The following SNX29 variants were observed in gnomAD, a reference collection of about 807,000 sequenced individuals.
SNX29 encodes the protein sorting nexin-29.
Under a neutral mutation model 102.1 loss-of-function variants are expected in SNX29, and 78 were observed. The observed-to-expected ratio is 0.76, with a 90% confidence interval of 0.64 to 0.92. The LOEUF is 0.92. Among genes scored for constraint, SNX29 ranks in the 40% least tolerant of loss-of-function variants. SNX29 has a pLI of 0.00. For synonymous variants in SNX29, 580 were observed against 414.5 expected (o/e 1.40, Z -4.85); for missense variants, 1,280 against 1,061.7 (o/e 1.21, Z -2.86).
intron 14 of SNX29, among the ~76,000 whole-genome samples, chr16:12,247,303 C>G (rs763422508): frequency 3.9e-5 from 6 of 152,130 alleles, no homozygotes; most frequent in Admixed American, 1.3e-4. Flanking sequence ...TGGACAAGAC[C>G]AGGAGTCCAT....
At chr16:12,351,671 C>T (rs1236795922) in intron 15 of SNX29, among the ~76,000 whole-genome samples, 1 of 152,084 alleles carries the variant, frequency 6.6e-6, no homozygotes, top group Admixed American at 6.5e-5. Context: ...CTCACAGCCA[C>T]ATTATTTTTG....
intron 19 of SNX29, among the ~76,000 whole-genome samples, chr16:12,521,912 C>T (rs1220450732): frequency 1.3e-5 from 2 of 152,192 alleles, no homozygotes; most frequent in Non-Finnish European, 2.9e-5. Context: ...GAGATGTTAG[C>T]CACCAGCTGG....
intron 20 of SNX29, among the ~76,000 whole-genome samples, chr16:12,558,229 C>T (rs1194240449): frequency 1.6e-4 from 3 of 18,506 alleles, no homozygotes; most frequent in Admixed American, 3.8e-4. Flanking sequence ...AGCCTCTCTT[C>T]AGCCCCCCCA....
chr16:12,224,196 A>C (rs529975871), intron 14 of SNX29, among the ~76,000 whole-genome samples: 50 of 152,308 alleles, frequency 3.3e-4, no homozygotes, highest in African/African-American at 1.1e-3. Context: ...ATCAGCCTTC[A>C]GGAGTCGAGT....
At chr16:12,018,883 C>T (rs557912083) in intron 3 of SNX29, among the ~76,000 whole-genome samples, 29 of 151,736 alleles carry the variant, frequency 1.9e-4, no homozygotes, top group Non-Finnish European at 2.8e-4. Flanking sequence ...CCACTGAGCC[C>T]GGCCTGGGGT....
At chr16:12,053,822 C>A (rs987277845) in intron 8 of SNX29, among the ~76,000 whole-genome samples, 1 of 152,048 alleles carries the variant, frequency 6.6e-6, no homozygotes, top group Admixed American at 6.6e-5. Context: ...TGTAAGACGT[C>A]TAGCAGCCCT....
At chr16:12,127,201 G>A (rs1596988401) in intron 12 of SNX29, among the ~76,000 whole-genome samples, 2 of 151,024 alleles carry the variant, frequency 1.3e-5, no homozygotes. Flanking sequence ...GGAGGTTGCA[G>A]TGAGCCGAGA....
chr16:12,106,048 C>T (rs1422517911), intron 11 of SNX29, among the ~76,000 whole-genome samples: 3 of 152,118 alleles, frequency 2.0e-5, no homozygotes, highest in Non-Finnish European at 4.4e-5. Flanking sequence ...ACGTTTCCAT[C>T]TAAGTAACGC....
chr16:12,225,599 G>T (rs921770105), intron 14 of SNX29, among the ~76,000 whole-genome samples: 31 of 152,248 alleles, frequency 2.0e-4, no homozygotes, highest in African/African-American at 6.3e-4. Context: ...TTTGTAAGTT[G>T]CCCAGTCTTG....
At chr16:12,123,724 A>G (rs3893358) in intron 11 of SNX29, among the ~76,000 whole-genome samples, 35,141 of 151,554 alleles carry the variant, frequency 0.23, 4,122 homozygotes, top group Middle Eastern at 0.32. Context: ...TGAATGAAGA[A>G]GGCTGAGAGT....
At chr16:12,336,634 G>A (rs1323852431) in intron 15 of SNX29, among the ~76,000 whole-genome samples, 1 of 152,196 alleles carries the variant, frequency 6.6e-6, no homozygotes, top group Non-Finnish European at 1.5e-5. Context: ...TTTTAGAGAT[G>A]GAACATCAAG....
intron 20 of SNX29, chr16:12,545,677 A>C (rs537985516): frequency 1.6e-4 from 25 of 152,338 alleles, no homozygotes; most frequent in African/African-American, 4.6e-4. Flanking sequence ...TCTAGGCTCC[A>C]GGTTAAGGGG....
At chr16:12,314,872 GAT>G (rs2080680666) in intron 15 of SNX29, among the ~76,000 whole-genome samples, 1 of 152,158 alleles carries the variant, frequency 6.6e-6, no homozygotes, top group Non-Finnish European at 1.5e-5. Flanking sequence ...TGACACACAC[GAT>G]GTTATTCTGT....
At chr16:12,311,795 A>G (rs2080561199) in intron 15 of SNX29, among the ~76,000 whole-genome samples, 2 of 152,276 alleles carry the variant, frequency 1.3e-5, no homozygotes, top group African/African-American at 4.8e-5. Context: ...CACCTGGAGC[A>G]GGATGGCAGC....
chr16:12,303,603 T>G (rs997446935), intron 15 of SNX29, among the ~76,000 whole-genome samples: 22 of 152,124 alleles, frequency 1.4e-4, no homozygotes, highest in Admixed American at 5.9e-4. Flanking sequence ...CCATAAAAAT[T>G]AGGGTTGTGA....
chr16:12,289,388 C>T (rs1345090777), intron 15 of SNX29, among the ~76,000 whole-genome samples: 1 of 152,230 alleles, frequency 6.6e-6, no homozygotes, highest in African/African-American at 2.4e-5. Flanking sequence ...AATTGTGCCT[C>T]TGTGCAGGCA....
chr16:12,201,946 C>G (rs1013032355), intron 14 of SNX29, among the ~76,000 whole-genome samples: 4 of 152,206 alleles, frequency 2.6e-5, no homozygotes, highest in African/African-American at 9.6e-5. Flanking sequence ...CCTATGGAAC[C>G]TACAGTGTAC....
intron 11 of SNX29, among the ~76,000 whole-genome samples, chr16:12,100,813 A>C (rs1429461651): frequency 1.3e-5 from 2 of 151,778 alleles, no homozygotes; most frequent in Non-Finnish European, 1.5e-5. Flanking sequence ...AGAGGTGGTG[A>C]GACAGGTCAT....
At chr16:12,380,319 TCCACCCACCCATACCCCCCAC>T (rs1567502117) in intron 16 of SNX29, among the ~76,000 whole-genome samples, 1 of 133,650 alleles carries the variant, frequency 7.5e-6, no homozygotes, top group African/African-American at 2.8e-5. Flanking sequence ...CCACCTATCA[TCCACCCACCCATACCCCCCAC>T]CCACCCATCC....
Sources: allele counts gnomAD v4.1 joint callset (sites outside exome capture counted in the v4.1 genomes callset), GRCh38; gene constraint gnomAD v4.1.1; transcripts MANE v1.5; gene names NCBI Gene and HGNC (gene_info 2026-07-23, HGNC 2026-07-21).